Variants in EFCAB12 observed in about 807,000 individuals in gnomAD.
The protein encoded by EFCAB12 is EF-hand calcium binding domain 12, also known as EF-hand calcium-binding domain-containing protein 12.
In EFCAB12, 43 loss-of-function variants were observed where a neutral mutation model predicts 53.6. That is an observed-to-expected ratio of 0.80 (90% CI 0.63 to 1.03). EFCAB12 has a LOEUF of 1.03. Ranked by LOEUF, EFCAB12 falls within the 50% of genes least tolerant of loss-of-function variation. EFCAB12 has a pLI of 0.00. For synonymous variants in EFCAB12, 269 were observed against 289.2 expected (o/e 0.93, Z 0.71); for missense variants, 646 against 730.6 (o/e 0.88, Z 1.34).
chr3:129,428,555 G>A lies in EFCAB12; in HGVS notation c.-67C>T. The stretch of plus-strand genomic sequence containing the variant: ...TGTGTGTCGATGTGGGCTTGCTTGC[G>A]TAGGGGTACCGGGGTATCAGATAAA... On this transcript the variant is annotated 5_prime_UTR_variant, in exon 1 of 9. In the 5' UTR this introduces an upstream ATG that the reference lacks. Coordinates refer to ENST00000505956, the MANE Select transcript of EFCAB12 (RefSeq NM_207307.3). 1.9e-6 allele frequency: 3 copies of A among 1,564,198 alleles called. No individual in the cohort carries two copies. In the South Asian group the frequency reaches 3.5e-5, roughly 18 times the overall value.
At chr3:129,410,599 C>T (rs1286400822) in intron 5 of EFCAB12, among the ~76,000 whole-genome samples, 2 of 152,092 alleles carry the variant, frequency 1.3e-5, no homozygotes, top group African/African-American at 2.4e-5. Context: ...CTAACAGGTG[C>T]GAGACACCAC....
Position 129,417,966 on chromosome 3 carries a change from C to T in EFCAB12, c.681+288G>A, listed in dbSNP as rs892294597. Reference sequence around the variant, plus strand: ...GTCTGCTGTGCAAGACAGGGATTCTCCAAGGTAGCTGGCTGGTTATGAGGT... The same window carrying T: ...GTCTGCTGTGCAAGACAGGGATTCTTCAAGGTAGCTGGCTGGTTATGAGGT... On this transcript the variant is annotated intron_variant, in intron 3 of 8. Transcript: ENST00000505956. Among the ~76,000 whole-genome samples the T allele has an allele frequency of 4.8e-4, 73 of 152,268 alleles. 1 individual carries two copies. Among genetic ancestry groups the T allele is most frequent in the African/African-American group, 1.7e-3 (70 of 41,556 alleles).
At chr3:129,409,776 C>T (rs1031846709) in intron 5 of EFCAB12, among the ~76,000 whole-genome samples, 12 of 152,254 alleles carry the variant, frequency 7.9e-5, no homozygotes, top group Non-Finnish European at 1.5e-4. Flanking sequence ...TGAGTAGTTG[C>T]GACAGACAAG....
chr3:129,406,936 C>T (rs1381919525), intron 6 of EFCAB12, among the ~76,000 whole-genome samples: 1 of 151,636 alleles, frequency 6.6e-6, no homozygotes, highest in Non-Finnish European at 1.5e-5. Context: ...TCATAGCTCA[C>T]CACAGCCTTG....
Position 129,422,778 on chromosome 3 carries a change from T to C in EFCAB12, c.50-975A>G, listed in dbSNP as rs953956581. Among the ~76,000 whole-genome samples, 4 of 152,188 alleles carry C rather than the reference T, an allele frequency of 2.6e-5. No homozygotes were observed. The East Asian group carries it at 7.7e-4, about 29-fold the overall frequency. ...ATCTGAGCTACTTTGGGCTGAGGCATTGCCCTCTCCAGCTTGCCACAGGCT... is the reference window on the plus strand; with the variant it reads ...ATCTGAGCTACTTTGGGCTGAGGCACTGCCCTCTCCAGCTTGCCACAGGCT... On this transcript the variant is annotated intron_variant, in intron 1 of 8. Transcript: ENST00000505956.
At chr3:129,404,142 G>A (rs1219199033) in intron 7 of EFCAB12, 108 bp downstream of exon 7, 10 of 1,443,240 alleles carry the variant, frequency 6.9e-6, no homozygotes, top group Middle Eastern at 1.9e-4. Flanking sequence ...GGATGCAGAC[G>A]CAAGCACAGC....
At chr3:129,414,451 C>T (rs1445851175) in intron 4 of EFCAB12, 1 of 152,200 alleles carries the variant, frequency 6.6e-6, no homozygotes, top group African/African-American at 2.4e-5. Context: ...AGATTAAGTT[C>T]CTGCCAACCT....
Position 129,411,302 on chromosome 3 carries a change from C to T in EFCAB12, c.891G>A (p.Gln297=), listed in dbSNP as rs374479457. 168 of 1,610,636 alleles carry T rather than the reference C, an allele frequency of 1.0e-4. 1 individual carries two copies. In the African/African-American group the frequency reaches 2.2e-3, roughly 21 times the overall value. Residue 297 remains glutamine (Q), a synonymous_variant, in exon 5 of 9, where the codon CAG becomes CAA. Transcript: ENST00000505956. ...GAAGCTGTGGGGCTGAATCCACCTC[C>T]TGCTTCTTGAGCGGACCCTTCAGGG... ...RDSLKGPLKK[Q]EVDSAPQLPK...
rs1310732929 is a variant in EFCAB12, at chr3:129,422,384, T to C, written c.50-581A>G. Among the ~76,000 whole-genome samples the C allele has an allele frequency of 2.0e-5, 3 of 152,184 alleles. No homozygotes were observed. In the East Asian group the frequency reaches 5.8e-4, roughly 29 times the overall value. On this transcript the variant is annotated intron_variant, in intron 1 of 8. Transcript: ENST00000505956. ...CACCATGCACTCATTTTGAAGCCCT[T>C]CCATGACTTTTGATAACCTTAAAAT... is the stretch of plus-strand genomic sequence containing the variant.
Position 129,415,369 on chromosome 3 carries a change from C to T in EFCAB12, c.714G>A (p.Glu238=), listed in dbSNP as rs982352287. The T allele has an allele frequency of 1.2e-6, 2 of 1,613,658 alleles. No homozygotes were observed. Among genetic ancestry groups the T allele is most frequent in the African/African-American group, 2.7e-5 (2 of 74,888 alleles). The part of the protein sequence containing the change: ...VGVPLKNQEV[E]DIVIYLSSLG... ...GAGAGCTGAGGTAGATCACTATATC[C>T]TCCACCTCTTGGTTCTTCAGAGGGA... Residue 238 remains glutamate, a synonymous_variant, in exon 4 of 9, where the codon GAG becomes GAA. Transcript: ENST00000505956.
At chr3:129,408,587 C>A in intron 6 of EFCAB12, 58 bp downstream of exon 6, 1 of 1,526,638 alleles carries the variant, frequency 6.6e-7, no homozygotes, top group Non-Finnish European at 8.9e-7. Flanking sequence ...GCATCACCCT[C>A]ACCCCAGCTC....
intron 4 of EFCAB12, 114 bp from the exon 5 acceptor site, chr3:129,411,468 C>T: frequency 9.0e-7 from 1 of 1,107,924 alleles, no homozygotes; most frequent in South Asian, 1.5e-5. Context: ...CCCCTCCGCT[C>T]CCTTCCCACA....
intron 6 of EFCAB12, among the ~76,000 whole-genome samples, chr3:129,407,129 C>A (rs554184941): frequency 3.8e-4 from 58 of 152,280 alleles, no homozygotes; most frequent in Non-Finnish European, 6.8e-4. Context: ...AATGTGGACA[C>A]ACAAGAGAGA....
rs775369083 is a variant in EFCAB12, at chr3:129,404,263, T to C, written c.1390A>G (p.Lys464Glu). 1.2e-6 allele frequency: 2 copies of C among 1,613,482 alleles called. No homozygotes were observed. Among genetic ancestry groups the C allele is most frequent in the Non-Finnish European group, 1.7e-6 (2 of 1,179,600 alleles). The change falls in exon 7 of 9, where the codon AAG becomes GAG. Residue 464 changes from lysine to glutamate, a missense_variant. Coordinates refer to ENST00000505956, the MANE Select transcript of EFCAB12 (RefSeq NM_207307.3). ...CCGAAACTCAGCTTGTCAGTCCTCT[T>C]AGACTTGCCAGGGCCCTGGGACCGG... The part of the protein sequence containing the change: ...LLRSQGPGKS[K>E]RTDKKTPKKS...
Position 129,401,517 on chromosome 3 carries a change from T to C in EFCAB12, c.*76A>G, listed in dbSNP as rs2071869290. 1 of 1,448,580 alleles carries C rather than the reference T, an allele frequency of 6.9e-7. No homozygotes were observed. Among genetic ancestry groups the C allele is most frequent in the Non-Finnish European group, 9.1e-7 (1 of 1,093,882 alleles). The allele number at this position is 1,448,580 out of a possible 1,614,324, so 89.7% of individuals were successfully genotyped here. A position where few individuals can be genotyped will look rare whatever the true frequency, so the allele number is the denominator to read the frequency against. On this transcript the variant is annotated 3_prime_UTR_variant, in exon 9 of 9. Coordinates refer to ENST00000505956, the MANE Select transcript of EFCAB12 (RefSeq NM_207307.3). ...TAGTTTGACTCTTTGACACTCCTCTTGTGTCTGGGCTCTGGGCCGCTGGCT... is the reference window on the plus strand; with the variant it reads ...TAGTTTGACTCTTTGACACTCCTCTCGTGTCTGGGCTCTGGGCCGCTGGCT...
At position 129,401,394 on chromosome 3, in the gene EFCAB12, C is replaced by T. The variant is rs1394660994; in HGVS notation, c.*199G>A. The T allele has an allele frequency of 4.8e-6, 3 of 627,994 alleles. No individual in the cohort carries two copies. The South Asian group carries it at 1.1e-4, about 23-fold the overall frequency. The allele number at this position is 627,994 out of a possible 1,614,324, so 38.9% of individuals were successfully genotyped here. A position where few individuals can be genotyped will look rare whatever the true frequency, so the allele number is the denominator to read the frequency against. On this transcript the variant is annotated 3_prime_UTR_variant, in exon 9 of 9. Coordinates refer to ENST00000505956, the MANE Select transcript of EFCAB12 (RefSeq NM_207307.3). Reference sequence around the variant, plus strand: ...AGGGGAGGGAAATAGTCAAAAACTGCACGTCATTCCTTGGACACATCTACC... The same window carrying T: ...AGGGGAGGGAAATAGTCAAAAACTGTACGTCATTCCTTGGACACATCTACC...
chr3:129,408,689 C>A lies in EFCAB12; in HGVS notation c.1205G>T (p.Cys402Phe). Residue 402 changes from cysteine (C) to phenylalanine (F), a missense_variant, in exon 6 of 9, where the codon TGT becomes TTT. Transcript: ENST00000505956. ...TGTCAGCGGGAGGCCATAGGACTTA[C>A]AGAGCTTCCAGCATTGCAGGTAGAC... Reference protein sequence around the residue: ...FLVYLQCWKLCKSYGLPLTED... With the variant: ...FLVYLQCWKLFKSYGLPLTED... The A allele has an allele frequency of 6.3e-7, 1 of 1,588,374 alleles. No homozygotes were observed. Among genetic ancestry groups the A allele is most frequent in the Non-Finnish European group, 8.6e-7 (1 of 1,166,306 alleles).
intron 6 of EFCAB12, among the ~76,000 whole-genome samples, chr3:129,405,153 G>C (rs1378357963): frequency 6.6e-6 from 1 of 152,156 alleles, no homozygotes; most frequent in Non-Finnish European, 1.5e-5. Context: ...TCCTTGTCTT[G>C]AATTAATCTC....
At position 129,428,624 on chromosome 3, in the gene EFCAB12, G is replaced by T. The variant is rs923370887; in HGVS notation, c.-136C>A. ...CGAAAGGCGCTCAGCTCAGACTGCAGAAGCAACCTGTTGCCGTGGCTACGG... is the reference window on the plus strand; with the variant it reads ...CGAAAGGCGCTCAGCTCAGACTGCATAAGCAACCTGTTGCCGTGGCTACGG... On this transcript the variant is annotated 5_prime_UTR_variant, in exon 1 of 9. It adds an upstream start codon to the 5' untranslated region. Coordinates refer to ENST00000505956, the MANE Select transcript of EFCAB12 (RefSeq NM_207307.3). The T allele has an allele frequency of 2.8e-6, 3 of 1,085,254 alleles. No homozygotes were observed. The highest frequency in any genetic ancestry group is 3.9e-6 in the Non-Finnish European group (3 of 760,844). 67.2% of individuals were successfully genotyped at this position (1,085,254 alleles called of 1,614,324 possible).
Sources: allele counts gnomAD v4.1 joint callset (sites outside exome capture counted in the v4.1 genomes callset), GRCh38; gene constraint gnomAD v4.1.1; transcripts MANE v1.5; gene names NCBI Gene and HGNC (gene_info 2026-07-23, HGNC 2026-07-21).